GREM2: variants seen among roughly 807,000 people sequenced by gnomAD.
The protein encoded by GREM2 is gremlin-2.
GREM2 carries 11 observed loss-of-function variants against 14.2 expected under a neutral mutation model. The observed-to-expected ratio is 0.78, with a 90% CI of 0.49 to 1.28. GREM2 has a LOEUF of 1.28. Among genes scored for constraint, GREM2 ranks in the 50% most tolerant of loss-of-function variants. GREM2 has a pLI of 0.00. For synonymous variants in GREM2, 98 were observed against 97.6 expected (o/e 1.00, Z -0.02); for missense variants, 210 against 218.5 (o/e 0.96, Z 0.24).
rs564481264 is a variant in GREM2 at position 240,590,842 on chromosome 1, G to A, written c.-2+21042C>T. Reference sequence around the variant, plus strand: ...CCTCTGTTGCCCAGGCTGGAGTGCAGTGGGGCGATCTCGGCTCACTGCAAG... The same window carrying A: ...CCTCTGTTGCCCAGGCTGGAGTGCAATGGGGCGATCTCGGCTCACTGCAAG... On this transcript the variant is annotated intron_variant, in intron 1 of 1. Transcript: ENST00000318160. 3 of 150,658 alleles carry A rather than the reference G, an allele frequency of 2.0e-5. No individual in the cohort carries two copies. The South Asian group carries it at 6.3e-4, about 32-fold the overall frequency. The allele number at this position is 150,658 out of a possible 1,614,324, so 9.3% of individuals were successfully genotyped here. A position where few individuals can be genotyped will look rare whatever the true frequency, so the allele number is the denominator to read the frequency against.
intron 1 of GREM2, among the ~76,000 whole-genome samples, chr1:240,549,442 A>T (rs1218900464): frequency 1.3e-5 from 2 of 152,264 alleles, no homozygotes; most frequent in East Asian, 3.9e-4. Context: ...AAAGAGATAA[A>T]TCCCAGCAGA....
chr1:240,587,809 A>C (rs973818364), intron 1 of GREM2, among the ~76,000 whole-genome samples: 7 of 152,188 alleles, frequency 4.6e-5, no homozygotes, highest in African/African-American at 9.7e-5. Flanking sequence ...TTGTGAAAGA[A>C]CACCCTACCT....
intron 1 of GREM2, among the ~76,000 whole-genome samples, chr1:240,518,914 C>T (rs1678012776): frequency 1.3e-5 from 2 of 152,094 alleles, no homozygotes; most frequent in Admixed American, 6.5e-5. Context: ...TGACAGACTT[C>T]AGTTATTTCT....
rs114930726 is a variant in GREM2 at position 240,554,535 on chromosome 1, C to T, written c.-2+57349G>A. Among the ~76,000 whole-genome samples, 672 of 152,092 alleles carry T rather than the reference C, an allele frequency of 4.4e-3. 3 individuals carry two copies. The highest frequency in any genetic ancestry group is 0.015 in the African/African-American group (642 of 41,480). ...TTGTAATAACTGTAGCTTCCAAACC[C>T]AGTTGAATTTATCCAAGTAAGCAAT... On this transcript the variant is annotated intron_variant, in intron 1 of 1. Transcript: ENST00000318160.
At position 240,493,026 on chromosome 1, in the gene GREM2, C is replaced by T. The variant is rs759512072; in HGVS notation, c.450G>A (p.Gln150=). ...ACATGCACCGGCACTGCTTCACCTTCTGGATTTTCTTGAGTCGGAAGGGTG... is the reference window on the plus strand; with the variant it reads ...ACATGCACCGGCACTGCTTCACCTTTTGGATTTTCTTGAGTCGGAAGGGTG... ...LDPPFRLKKI[Q]KVKQCRCMSV... is the part of the protein sequence containing the mutation. The change falls in exon 2 of 2, where the codon CAG becomes CAA. Residue 150 remains glutamine, a synonymous_variant. Coordinates refer to ENST00000318160, the MANE Select transcript of GREM2 (RefSeq NM_022469.4). 33 of 1,597,076 alleles carry T rather than the reference C, an allele frequency of 2.1e-5. No individual in the cohort carries two copies. Among genetic ancestry groups the T allele is most frequent in the Non-Finnish European group, 2.8e-5 (33 of 1,168,234 alleles).
rs1287582546 is a variant in GREM2, at chr1:240,490,745, A to G, written c.*2224T>C. 6.6e-6 allele frequency: 1 copy of G among 152,158 alleles called. No individual in the cohort carries two copies. The highest frequency in any genetic ancestry group is 1.5e-5 in the Non-Finnish European group (1 of 68,034). 9.4% of individuals were successfully genotyped at this position (152,158 alleles called of 1,614,324 possible). On this transcript the variant is annotated 3_prime_UTR_variant, in exon 2 of 2. Coordinates refer to ENST00000318160, the MANE Select transcript of GREM2 (RefSeq NM_022469.4). ...AGTGTGCTCGTGTTTGCATTCTGTA[A>G]GTTCTTAGCTTAATCCCTCCCCTAT...
At chr1:240,527,060 C>T (rs1678240684) in intron 1 of GREM2, among the ~76,000 whole-genome samples, 1 of 152,300 alleles carries the variant, frequency 6.6e-6, no homozygotes, top group East Asian at 1.9e-4. Context: ...AGAAAGAGCT[C>T]ATGAGCAGGA....
chr1:240,557,569 C>A (rs1190371443), intron 1 of GREM2, among the ~76,000 whole-genome samples: 2 of 151,968 alleles, frequency 1.3e-5, no homozygotes, highest in African/African-American at 4.8e-5. Context: ...AATTATCTTC[C>A]AAATAATGAA....
intron 1 of GREM2, among the ~76,000 whole-genome samples, chr1:240,608,950 G>A (rs781080421): frequency 2.0e-5 from 3 of 152,158 alleles, no homozygotes; most frequent in Admixed American, 2.0e-4. Context: ...ATAGACAGGA[G>A]TGTTACAGTA....
intron 1 of GREM2, among the ~76,000 whole-genome samples, chr1:240,512,163 G>T (rs1288161959): frequency 1.3e-5 from 2 of 152,064 alleles, no homozygotes; most frequent in Non-Finnish European, 2.9e-5. Context: ...GAAGGACAAA[G>T]GAAAATTATT....
chr1:240,593,951 ATTTG>A (rs1347714954), intron 1 of GREM2, among the ~76,000 whole-genome samples: 1 of 151,406 alleles, frequency 6.6e-6, no homozygotes. Context: ...GGTCATCTTA[ATTTG>A]TTTGTTTGTT....
rs73115504 is a variant in GREM2, at chr1:240,584,604, G to A, written c.-2+27280C>T. On this transcript the variant is annotated intron_variant, in intron 1 of 1. Coordinates refer to ENST00000318160, the MANE Select transcript of GREM2 (RefSeq NM_022469.4). The stretch of plus-strand genomic sequence containing the variant: ...CTGTGGTCCTAGCCCTAGCTACTTG[G>A]GAGGCTGGAGAAGGAGGATTGCTTG... Among the ~76,000 whole-genome samples, 1,035 of 152,186 alleles carry A rather than the reference G, an allele frequency of 6.8e-3. 15 individuals carry two copies. Among genetic ancestry groups the A allele is most frequent in the African/African-American group, 0.024 (1,001 of 41,530 alleles).
chr1:240,492,902 C>A lies in GREM2; in HGVS notation c.*67G>T. On this transcript the variant is annotated 3_prime_UTR_variant, in exon 2 of 2. Coordinates refer to ENST00000318160, the MANE Select transcript of GREM2 (RefSeq NM_022469.4). ...TGACAGTGGGCTCGGAGGGCAGGGA[C>A]AGAGGCGGCGGCGGCGCCACCCAGC... is the stretch of plus-strand genomic sequence containing the variant. 7.5e-7 allele frequency: 1 copy of A among 1,328,322 alleles called. No individual in the cohort carries two copies. Among genetic ancestry groups the A allele is most frequent in the Non-Finnish European group, 9.6e-7 (1 of 1,037,446 alleles). The allele number at this position is 1,328,322 out of a possible 1,614,324, so 82.3% of individuals were successfully genotyped here. A position where few individuals can be genotyped will look rare whatever the true frequency, so the allele number is the denominator to read the frequency against.
At chr1:240,588,610 T>A (rs960224720) in intron 1 of GREM2, 1 of 152,186 alleles carries the variant, frequency 6.6e-6, no homozygotes, top group Non-Finnish European at 1.5e-5. Context: ...AAGAGCTTTT[T>A]CGTGCAAGGT....
intron 1 of GREM2, among the ~76,000 whole-genome samples, chr1:240,609,803 T>C (rs1270760602): frequency 6.6e-6 from 1 of 151,994 alleles, no homozygotes; most frequent in Non-Finnish European, 1.5e-5. Context: ...GAACTGAGAG[T>C]CTAATACCAT....
intron 1 of GREM2, among the ~76,000 whole-genome samples, chr1:240,586,028 GA>G (rs887096662): frequency 0.011 from 1,397 of 127,110 alleles, 13 homozygotes; most frequent in African/African-American, 0.033. Context: ...ACCCACGATA[GA>G]AAAAAAAAAA....
chr1:240,603,520 A>G (rs1018646004), intron 1 of GREM2, among the ~76,000 whole-genome samples: 1 of 150,762 alleles, frequency 6.6e-6, no homozygotes, highest in Admixed American at 6.6e-5. Context: ...TCTCCCATCC[A>G]TCTCCCCCTC....
intron 1 of GREM2, among the ~76,000 whole-genome samples, chr1:240,580,102 C>T (rs1024171120): frequency 6.6e-6 from 1 of 152,118 alleles, no homozygotes; most frequent in African/African-American, 2.4e-5. Flanking sequence ...ATAAAAAGTG[C>T]ATGTCTGGCT....
chr1:240,564,326 C>T (rs926313734), intron 1 of GREM2, among the ~76,000 whole-genome samples: 2 of 151,752 alleles, frequency 1.3e-5, no homozygotes, highest in Admixed American at 6.6e-5. Context: ...GGCAACATGG[C>T]TGAAACCCCA....
Sources: gnomAD v4.1 joint callset for allele counts (sites outside exome capture counted in the v4.1 genomes callset) on GRCh38, gnomAD v4.1.1 for gene constraint, MANE v1.5 for transcripts, NCBI Gene and HGNC (gene_info 2026-07-23, HGNC 2026-07-21) for gene names.